Variants in CCDC30 observed in about 807,000 individuals in gnomAD.
The protein encoded by CCDC30 is coiled-coil domain-containing protein 30.
CCDC30 carries 70 observed loss-of-function variants against 100.2 expected under a neutral mutation model. The ratio of observed to expected loss-of-function variants is 0.70; its 90% CI spans 0.58 to 0.85. The LOEUF (loss-of-function observed/expected upper bound fraction) is 0.85, where lower values mean the gene tolerates loss of function less well. Ranked by LOEUF, CCDC30 falls within the 40% of genes least tolerant of loss-of-function variation. CCDC30 has a pLI of 0.00. For synonymous variants in CCDC30, 233 were observed against 269.5 expected (o/e 0.86, Z 1.33); for missense variants, 652 against 771.2 (o/e 0.85, Z 1.83).
chr1:42,534,090 G>A (rs192136898), intron 6 of CCDC30: 60 of 152,216 alleles, frequency 3.9e-4, no homozygotes, highest in African/African-American at 1.3e-3. Flanking sequence ...ATTGCCTAAA[G>A]GCATAACTAT....
intron 1 of CCDC30, among the ~76,000 whole-genome samples, chr1:42,477,082 C>CT (rs993279533): frequency 1.0e-4 from 15 of 143,958 alleles, no homozygotes; most frequent in African/African-American, 2.3e-4. Flanking sequence ...TTAATTCTGG[C>CT]TTTTTTTTTT....
At chr1:42,559,724 A>G (rs1419452816) in intron 6 of CCDC30, among the ~76,000 whole-genome samples, 1 of 152,182 alleles carries the variant, frequency 6.6e-6, no homozygotes, top group East Asian at 1.9e-4. Flanking sequence ...TGTCAGTATT[A>G]GACAGATCGA....
intron 11 of CCDC30, among the ~76,000 whole-genome samples, chr1:42,627,666 G>C (rs1646958512): frequency 1.3e-5 from 2 of 152,206 alleles, no homozygotes; most frequent in Non-Finnish European, 2.9e-5. Flanking sequence ...TCCAGCCATG[G>C]CTGAAAGGGG....
At chr1:42,476,280 A>G (rs1020959668) in intron 1 of CCDC30, among the ~76,000 whole-genome samples, 6 of 152,184 alleles carry the variant, frequency 3.9e-5, no homozygotes, top group Non-Finnish European at 7.3e-5. Flanking sequence ...GTTTAACTCA[A>G]AATAGTCAAT....
upstream of CCDC30, chr1:42,460,465 T>A: frequency 6.4e-6 from 3 of 471,608 alleles, no homozygotes; most frequent in Non-Finnish European, 8.3e-6. Context: ...GAAAGAAGGA[T>A]ACCTCCCTGA....
At chr1:42,617,394 A>G (rs187054417) in intron 11 of CCDC30, among the ~76,000 whole-genome samples, 2 of 152,338 alleles carry the variant, frequency 1.3e-5, no homozygotes, top group Admixed American at 6.5e-5. Flanking sequence ...CCAGTATAGG[A>G]TAGGTGAAAG....
intron 6 of CCDC30, chr1:42,500,313 C>G (rs1644290279): frequency 6.2e-7 from 1 of 1,610,198 alleles, no homozygotes; most frequent in Non-Finnish European, 8.5e-7. Flanking sequence ...ATTTCTCCAT[C>G]TCAGCCATAT....
intron 1 of CCDC30, chr1:42,473,026 A>G (rs1643820013): frequency 1.8e-6 from 2 of 1,128,356 alleles, no homozygotes; most frequent in South Asian, 4.6e-5. Flanking sequence ...CTAGTACTCT[A>G]ATAAGGAGAC....
intron 8 of CCDC30, 52 bp from the exon 13 acceptor site, chr1:42,581,308 A>T (rs1645960983): frequency 6.9e-7 from 1 of 1,453,432 alleles, no homozygotes; most frequent in Admixed American, 2.2e-5. Context: ...CTAATTTGAA[A>T]AAAGGTCACA....
intron 9 of CCDC30, among the ~76,000 whole-genome samples, chr1:42,587,146 T>G (rs915809559): frequency 6.6e-6 from 1 of 152,116 alleles, no homozygotes; most frequent in Non-Finnish European, 1.5e-5. Context: ...TACAGGCGCA[T>G]GCCACCATGC....
chr1:42,513,270 A>T (rs4518945), intron 6 of CCDC30, among the ~76,000 whole-genome samples: 20,736 of 152,256 alleles, frequency 0.14, 1,561 homozygotes, highest in East Asian at 0.19. Context: ...GGAAAAGCTG[A>T]CCTGCAGCAG....
intron 3 of CCDC30, among the ~76,000 whole-genome samples, chr1:42,487,070 A>C (rs1285040344): frequency 4.9e-5 from 7 of 142,902 alleles, no homozygotes; most frequent in African/African-American, 1.8e-4. Context: ...CTAGCCTATG[A>C]GTTTGAGTCC....
intron 12 of CCDC30, among the ~76,000 whole-genome samples, chr1:42,641,215 T>TTGTGTG (rs71065188): frequency 0.012 from 1,552 of 132,420 alleles, 13 homozygotes; most frequent in African/African-American, 0.022. Flanking sequence ...CACATGGCTT[T>TTGTGTG]TGTGTGTGTG....
intron 11 of CCDC30, among the ~76,000 whole-genome samples, chr1:42,623,588 T>C (rs1267267774): frequency 6.6e-6 from 1 of 152,192 alleles, no homozygotes. Context: ...GTTCTATTGG[T>C]CTATGTGTCT....
intron 6 of CCDC30, among the ~76,000 whole-genome samples, chr1:42,516,515 T>G (rs1370289805): frequency 1.5e-5 from 2 of 137,378 alleles, no homozygotes; most frequent in African/African-American, 5.5e-5. Context: ...TGCAGTGAGC[T>G]GGGATTGCGC....
At chr1:42,527,093 A>G (rs1644734452) in intron 6 of CCDC30, among the ~76,000 whole-genome samples, 1 of 152,232 alleles carries the variant, frequency 6.6e-6, no homozygotes, top group Non-Finnish European at 1.5e-5. Context: ...CAGGAAGGTA[A>G]CCTGAAAATA....
Position 42,566,483 on chromosome 1 carries a change from T to C in CCDC30, c.636+8T>C, listed in dbSNP as rs758529839. The C allele has an allele frequency of 3.1e-6, 5 of 1,607,438 alleles. No homozygotes were observed. The African/African-American group carries it at 5.3e-5, about 17-fold the overall frequency. On this transcript the variant is annotated splice_region_variant and intron_variant, in intron 7 of 16. Transcript: ENST00000668663. ...CAGGAAGAAAACATTAAGGTAACTC[T>C]TGTGGGCAAATGCTTTATGGAAGGG...
intron 11 of CCDC30, among the ~76,000 whole-genome samples, chr1:42,618,394 G>A (rs919911023): frequency 6.6e-6 from 1 of 151,940 alleles, no homozygotes; most frequent in Admixed American, 6.6e-5. Context: ...GTGCCACCAC[G>A]CCCAGCTAAT....
In CCDC30 at chr1:42,596,569, C is replaced by A. The variant is rs1646291972; in HGVS notation, c.1164+7086C>A. ...ACGTGTGAAATTTACAGTCCAGGGGCACAGGCTTACTAAAAGACTGTACCT... is the reference window on the plus strand; with the variant it reads ...ACGTGTGAAATTTACAGTCCAGGGGAACAGGCTTACTAAAAGACTGTACCT... On this transcript the variant is annotated intron_variant, in intron 10 of 16. Transcript: ENST00000668663. The surrounding 1 kb of genome is among the most constrained non-coding windows in gnomAD (Gnocchi z 4.3). Among the ~76,000 whole-genome samples the A allele has an allele frequency of 6.6e-6, 1 of 151,924 alleles. No homozygotes were observed. The highest frequency in any genetic ancestry group is 6.6e-5 in the Admixed American group (1 of 15,226).
Sources: gnomAD v4.1 joint callset for allele counts (sites outside exome capture counted in the v4.1 genomes callset) on GRCh38, gnomAD v4.1.1 for gene constraint, Gnocchi (gnomAD v3.1) non-coding constraint, MANE v1.5 for transcripts, NCBI Gene and HGNC (gene_info 2026-07-23, HGNC 2026-07-21) for gene names.